Variants in SLC2A8 observed in about 807,000 individuals in gnomAD.
SLC2A8 encodes the protein solute carrier family 2 member 8, also known as solute carrier family 2, facilitated glucose transporter member 8.
SLC2A8 carries 53 observed loss-of-function variants against 49.2 expected under a neutral mutation model. The ratio of observed to expected loss-of-function variants is 1.08; its 90% CI spans 0.86 to 1.35. The LOEUF is 1.35. Among genes scored for constraint, SLC2A8 ranks in the 40% most tolerant of loss-of-function variants. The pLI is 0.00. For synonymous variants in SLC2A8, 299 were observed against 297.0 expected, an observed-to-expected ratio of 1.01 and a Z score of -0.07; for missense variants, 688 against 671.7, an observed-to-expected ratio of 1.02 and a Z score of -0.27.
chr9:127,404,117 C>T (rs759252746), intron 7 of SLC2A8, 50 bp downstream of exon 7: 6 of 1,316,444 alleles, frequency 4.6e-6, no homozygotes, highest in East Asian at 4.8e-5. Flanking sequence ...GGAGGGCCTT[C>T]GCCAAGGCCA....
Position 127,397,498 on chromosome 9 carries a change from C to T in SLC2A8, c.179C>T (p.Pro60Leu). ...AIPSLQRAAP[P>L]APRLDDAAAS... ...CCTAGCCTGCAGCGCGCCGCGCCCC[C>T]GGCCCCGCGCCTGGACGACGCCGCC... is the stretch of plus-strand genomic sequence containing the variant. The change falls in exon 2 of 10, where the codon CCG becomes CTG. Residue 60 changes from proline (P) to leucine (L), a missense_variant. Coordinates refer to ENST00000373371, the MANE Select transcript of SLC2A8 (RefSeq NM_014580.5). The T allele has an allele frequency of 1.4e-6, 2 of 1,450,674 alleles. No homozygotes were observed. The highest frequency in any genetic ancestry group is 2.7e-5 in the South Asian group (2 of 73,246). 89.9% of individuals were successfully genotyped at this position (1,450,674 alleles called of 1,614,324 possible).
chr9:127,397,318 G>T, intron 1 of SLC2A8, 32 bp downstream of exon 1: 4 of 1,381,064 alleles, frequency 2.9e-6, no homozygotes, highest in Non-Finnish European at 2.8e-6. Flanking sequence ...CCCGGATGCG[G>T]CCTCGCCCTC....
rs745349554 is a variant in SLC2A8, at chr9:127,402,688, G to A, written c.658G>A (p.Ala220Thr). The A allele has an allele frequency of 4.5e-6, 7 of 1,568,652 alleles. No homozygotes were observed. The Admixed American group carries it at 9.4e-5, about 21-fold the overall frequency. ...TCAGCACAGGCGCCAGGAGGCCATG[G>A]CCGCCCTGCGGTTCCTGTGGGGCTC... ...LTQHRRQEAM[A>T]ALRFLWGSEQ... Residue 220 changes from alanine (A) to threonine (T), a missense_variant, in exon 5 of 10, where the codon GCC (alanine) becomes ACC (threonine). Physicochemically the swap from Ala to Thr is moderately conservative, Grantham distance 58 (BLOSUM62 0). Transcript: ENST00000373371.
At chr9:127,402,878 C>A in intron 5 of SLC2A8, 125 bp downstream of exon 5, 1 of 1,205,554 alleles carries the variant, frequency 8.3e-7, no homozygotes, top group African/African-American at 1.5e-5. Flanking sequence ...ACCCTCCACC[C>A]TCAGCGAGGA....
At chr9:127,400,288 G>C (rs1833233258) in intron 4 of SLC2A8, among the ~76,000 whole-genome samples, 1 of 151,496 alleles carries the variant, frequency 6.6e-6, no homozygotes, top group Admixed American at 6.6e-5. Context: ...TTCCCAAGTA[G>C]CTGGGACTAC....
Position 127,404,651 on chromosome 9 carries a change from C to A in SLC2A8, c.977-167C>A. 3 of 723,544 alleles carry A rather than the reference C, an allele frequency of 4.1e-6. No individual in the cohort carries two copies. In the Admixed American group the frequency reaches 8.9e-5, roughly 21 times the overall value. The allele number at this position is 723,544 out of a possible 1,614,324, so 44.8% of individuals were successfully genotyped here. On this transcript the variant is annotated intron_variant, in intron 7 of 9. Transcript: ENST00000373371. ...TTTTGCAGTTCGCTGAGGTCCAAGG[C>A]GGGGTGGCTGCCACCCAGTCAGGGC...
chr9:127,398,172 A>G (rs1245443293), intron 3 of SLC2A8, 61 bp downstream of exon 3: 1 of 1,510,410 alleles, frequency 6.6e-7, no homozygotes, highest in Non-Finnish European at 9.0e-7. Flanking sequence ...GGAGTGGGAC[A>G]AACCGCTCCC....
chr9:127,404,378 A>C (rs1451626356), intron 7 of SLC2A8: 1 of 345,442 alleles, frequency 2.9e-6, no homozygotes, highest in Non-Finnish European at 5.3e-6. Context: ...CTTTTGGACA[A>C]GTGACTTTAC....
In SLC2A8 at chr9:127,404,047, G is replaced by A; in HGVS notation, c.956G>A (p.Arg319Lys). 1 of 1,597,464 alleles carries A rather than the reference G, an allele frequency of 6.3e-7. No homozygotes were observed. Among genetic ancestry groups the A allele is most frequent in the South Asian group, 1.1e-5 (1 of 90,634 alleles). The change falls in exon 7 of 10, where the codon AGG becomes AAG. Residue 319 changes from arginine to lysine, a missense_variant. Coordinates refer to ENST00000373371, the MANE Select transcript of SLC2A8 (RefSeq NM_014580.5). ...CTCATCATGGACAGAGCAGGGCGGA[G>A]GCTGCTCCTGGTCTTGTCAGGTGAG... ...AALIMDRAGR[R>K]LLLVLSGVVM... is the part of the protein sequence containing the mutation.
Position 127,397,379 on chromosome 9 carries a change from G to A in SLC2A8, c.60G>A (p.Ala20=). ...QPLLGPPGGS[A]PRGRRVFLAA... Reference sequence around the variant, plus strand: ...ACCCTCGGCCCTGTCCCCCCAGCGCGCCCCGCGGCCGCCGCGTCTTCCTCG... The same window carrying A: ...ACCCTCGGCCCTGTCCCCCCAGCGCACCCCGCGGCCGCCGCGTCTTCCTCG... Residue 20 remains alanine (A), a synonymous_variant, in exon 2 of 10, where the codon GCG becomes GCA. Transcript: ENST00000373371. 2 of 1,464,932 alleles carry A rather than the reference G, an allele frequency of 1.4e-6. No homozygotes were observed. Among genetic ancestry groups the A allele is most frequent in the Non-Finnish European group, 1.8e-6 (2 of 1,117,112 alleles). The allele number at this position is 1,464,932 out of a possible 1,614,324, so 90.7% of individuals were successfully genotyped here.
In SLC2A8 at chr9:127,404,878, GC is replaced by G; in HGVS notation, c.1040del (p.Pro347LeufsTer78). The part of the protein sequence containing the change: ...FGAYFKLTQG[G>X]PGNSSHVAIS... ...GCCTACTTCAAGCTGACCCAGGGTG[GC>G]CCTGGCAACTCCTCGCACGTGGCCA... On this transcript the variant is annotated frameshift_variant, in exon 8 of 10. Transcript: ENST00000373371. LOFTEE classifies it high-confidence loss of function. The G allele has an allele frequency of 1.2e-6, 2 of 1,612,756 alleles. No homozygotes were observed. The highest frequency in any genetic ancestry group is 1.7e-6 in the Non-Finnish European group (2 of 1,179,846).
Position 127,397,451 on chromosome 9 carries a change from C to G in SLC2A8, c.132C>G (p.Leu44=). Residue 44 remains leucine (L), a synonymous_variant, in exon 2 of 10, where the codon CTC becomes CTG. Coordinates refer to ENST00000373371, the MANE Select transcript of SLC2A8 (RefSeq NM_014580.5). ...ALGPLSFGFA[L]GYSSPAIPSL... is the part of the protein sequence containing the mutation. Reference sequence around the variant, plus strand: ...GCCCACTCAGCTTCGGCTTCGCGCTCGGCTACAGCTCCCCGGCCATCCCTA... The same window carrying G: ...GCCCACTCAGCTTCGGCTTCGCGCTGGGCTACAGCTCCCCGGCCATCCCTA... 6.7e-7 allele frequency: 1 copy of G among 1,487,366 alleles called. No individual in the cohort carries two copies. The highest frequency in any genetic ancestry group is 1.5e-5 in the African/African-American group (1 of 68,512). 92.1% of individuals were successfully genotyped at this position (1,487,366 alleles called of 1,614,324 possible).
rs766213563 is a variant in SLC2A8 at position 127,404,064 on chromosome 9, T to G, written c.973T>G (p.Ser325Ala). Residue 325 changes from serine (S) to alanine (A), a missense_variant, in exon 7 of 10, where the codon TCA (serine) becomes GCA (alanine). Physicochemically the swap from Ser to Ala is moderately conservative, Grantham distance 99. Transcript: ENST00000373371. ...AGGGCGGAGGCTGCTCCTGGTCTTGTCAGGTGAGGGTTCACCCCTGTGCAG... is the reference window on the plus strand; with the variant it reads ...AGGGCGGAGGCTGCTCCTGGTCTTGGCAGGTGAGGGTTCACCCCTGTGCAG... ...RAGRRLLLVL[S>A]GVVMVFSTSA... 10 of 1,592,942 alleles carry G rather than the reference T, an allele frequency of 6.3e-6. No homozygotes were observed. In the Middle Eastern group the frequency reaches 6.7e-4, roughly 106 times the overall value.
chr9:127,401,540 GCA>G (rs1338020809), intron 4 of SLC2A8, among the ~76,000 whole-genome samples: 2 of 152,262 alleles, frequency 1.3e-5, no homozygotes, highest in Admixed American at 6.5e-5. Context: ...CCCACTGTGT[GCA>G]GGTGTTGACA....
rs940423838 is a variant in SLC2A8, at chr9:127,399,530, A to G, written c.427-377A>G. Among the ~76,000 whole-genome samples the G allele has an allele frequency of 7.4e-5, 11 of 148,684 alleles. No homozygotes were observed. In the East Asian group the frequency reaches 2.2e-3, roughly 29 times the overall value. On this transcript the variant is annotated intron_variant, in intron 3 of 9. Coordinates refer to ENST00000373371, the MANE Select transcript of SLC2A8 (RefSeq NM_014580.5). This position sits in a 1 kb window ranked among gnomAD's most constrained non-coding sequence, Gnocchi z 4.2. ...AGCTCTGAATGGCTGAGACCTTTCCATTTTAAGAACTCTTGGAGCCTGAGT... is the reference window on the plus strand; with the variant it reads ...AGCTCTGAATGGCTGAGACCTTTCCGTTTTAAGAACTCTTGGAGCCTGAGT...
intron 4 of SLC2A8, chr9:127,402,331 A>G: frequency 3.6e-6 from 2 of 549,684 alleles, no homozygotes; most frequent in Non-Finnish European, 6.1e-6. Flanking sequence ...GCAGCCTAGT[A>G]ATGTCCGCGT....
rs763286394 is a variant in SLC2A8, at chr9:127,403,670, T to C, written c.734T>C (p.Leu245Pro). The change falls in exon 6 of 10, where the codon CTG (leucine) becomes CCG (proline). Residue 245 changes from leucine to proline, a missense_variant. Coordinates refer to ENST00000373371, the MANE Select transcript of SLC2A8 (RefSeq NM_014580.5). Reference sequence around the variant, plus strand: ...TATCCGTCAGAGCAGAGCTTTCACCTGGCCCTGCTGCGGCAGCCCGGCATC... The same window carrying C: ...TATCCGTCAGAGCAGAGCTTTCACCCGGCCCTGCTGCGGCAGCCCGGCATC... ...PPIGAEQSFH[L>P]ALLRQPGIYK... 2.5e-6 allele frequency: 4 copies of C among 1,612,840 alleles called. No individual in the cohort carries two copies. The highest frequency in any genetic ancestry group is 3.4e-6 in the Non-Finnish European group (4 of 1,179,950).
Position 127,407,243 on chromosome 9 carries a change from G to T in SLC2A8, c.1428G>T (p.Gly476=). The T allele has an allele frequency of 1.2e-6, 2 of 1,613,044 alleles. No homozygotes were observed. Among genetic ancestry groups the T allele is most frequent in the Non-Finnish European group, 1.7e-6 (2 of 1,179,986 alleles). ...TLEQITAHFE[G]R is the part of the protein sequence containing the mutation. ...AACAAATCACAGCCCATTTTGAGGGGCGATGACAGCCACTCACTAGGGGAT... is the reference window on the plus strand; with the variant it reads ...AACAAATCACAGCCCATTTTGAGGGTCGATGACAGCCACTCACTAGGGGAT... Residue 476 remains glycine, a synonymous_variant, in exon 10 of 10, where the codon GGG becomes GGT. Transcript: ENST00000373371.
At chr9:127,405,110 G>A in intron 8 of SLC2A8, 119 bp downstream of exon 8, 1 of 1,163,730 alleles carries the variant, frequency 8.6e-7, no homozygotes, top group Non-Finnish European at 1.2e-6. Context: ...TAAGTTCCAA[G>A]CTCTGCATTT....
Sources: allele counts gnomAD v4.1 joint callset (sites outside exome capture counted in the v4.1 genomes callset), GRCh38; gene constraint gnomAD v4.1.1; non-coding constraint Gnocchi (gnomAD v3.1); transcripts MANE v1.5; gene names NCBI Gene and HGNC (gene_info 2026-07-23, HGNC 2026-07-21).